The following GRIK4 variants were observed in gnomAD, a reference collection of about 807,000 sequenced individuals.
GRIK4 encodes glutamate receptor ionotropic, kainate 4.
In GRIK4, 40 loss-of-function variants were observed where a neutral mutation model predicts 104.9. The observed-to-expected ratio is 0.38, with a 90% CI of 0.30 to 0.50. The LOEUF is 0.50. Among genes scored for constraint, GRIK4 ranks in the 20% least tolerant of loss-of-function variants. The probability of loss-of-function intolerance (pLI) is 0.93; values close to 1 mark genes in which losing one functional copy is unlikely to be tolerated. For synonymous variants in GRIK4, 485 were observed against 524.9 expected (o/e 0.92, Z 1.04); for missense variants, 1,047 against 1,308.1 (o/e 0.80, Z 3.08).
At chr11:120,618,762 T>C (rs1413943446) in intron 1 of GRIK4, among the ~76,000 whole-genome samples, 1 of 152,230 alleles carries the variant, frequency 6.6e-6, no homozygotes, top group East Asian at 1.9e-4. Flanking sequence ...GGTTTCCATG[T>C]GGTGCTAAGC....
chr11:120,897,151 A>G (rs1309935338), intron 11 of GRIK4, among the ~76,000 whole-genome samples: 1 of 151,688 alleles, frequency 6.6e-6, no homozygotes, highest in Non-Finnish European at 1.5e-5. Flanking sequence ...CCCATGTCTT[A>G]TTAAAAAAAT....
At chr11:120,697,768 G>T (rs61902689) in intron 3 of GRIK4, among the ~76,000 whole-genome samples, 13,139 of 152,248 alleles carry the variant, frequency 0.086, 635 homozygotes, top group South Asian at 0.12. Context: ...CTCCTAGGGC[G>T]TGATTTATAT....
chr11:120,861,645 C>T (rs555635077), intron 8 of GRIK4, among the ~76,000 whole-genome samples: 3 of 152,262 alleles, frequency 2.0e-5, no homozygotes, highest in Non-Finnish European at 4.4e-5. Context: ...TCCCACCTCC[C>T]GTGGAAAAAA....
intron 1 of GRIK4, among the ~76,000 whole-genome samples, chr11:120,604,059 C>T (rs1428639335): frequency 6.6e-6 from 1 of 151,218 alleles, no homozygotes; most frequent in Admixed American, 6.6e-5. Flanking sequence ...GTAGCCCCAG[C>T]TACTCGGGAG....
intron 14 of GRIK4, among the ~76,000 whole-genome samples, chr11:120,949,124 G>A (rs1360875973): frequency 6.6e-6 from 1 of 152,202 alleles, no homozygotes; most frequent in South Asian, 2.1e-4. Flanking sequence ...TATATATAGA[G>A]TGAAGTATCA....
chr11:120,547,369 C>T lies in GRIK4; in HGVS notation c.-159+35482C>T, dbSNP rs149473065. Among the ~76,000 whole-genome samples, 1,239 of 152,318 alleles carry T rather than the reference C, an allele frequency of 8.1e-3. 9 individuals are homozygous for T. Among genetic ancestry groups the T allele is most frequent in the Middle Eastern group, 0.02 (6 of 294 alleles). ...GCACGCAGTGACCTCAGCCAGTGGG[C>T]GAGTGTCTGCACGAGCGGAGTACAG... On this transcript the variant is annotated intron_variant, in intron 1 of 20. Transcript: ENST00000527524.
chr11:120,959,862 G>T (rs945937891), intron 16 of GRIK4, among the ~76,000 whole-genome samples: 3 of 152,168 alleles, frequency 2.0e-5, no homozygotes, highest in Admixed American at 1.3e-4. Context: ...TACAGAACTG[G>T]TTTTAAAATA....
intron 1 of GRIK4, among the ~76,000 whole-genome samples, chr11:120,576,995 TC>T (rs1948494124): frequency 1.3e-5 from 2 of 152,100 alleles, no homozygotes; most frequent in Non-Finnish European, 2.9e-5. Flanking sequence ...ATTTCCCCTC[TC>T]CCCAGGAGTC....
intron 3 of GRIK4, among the ~76,000 whole-genome samples, chr11:120,710,573 G>A (rs974693147): frequency 1.3e-5 from 2 of 152,138 alleles, no homozygotes; most frequent in South Asian, 2.1e-4. Context: ...TTCTGGGCAC[G>A]TGACTCACAA....
At chr11:120,607,574 A>G (rs953130463) in intron 1 of GRIK4, among the ~76,000 whole-genome samples, 10 of 152,256 alleles carry the variant, frequency 6.6e-5, no homozygotes, top group African/African-American at 2.4e-4. Context: ...GGGGGCAGAA[A>G]GGGGATGACA....
intron 1 of GRIK4, among the ~76,000 whole-genome samples, chr11:120,618,278 C>T (rs138930337): frequency 3.3e-5 from 5 of 152,210 alleles, no homozygotes; most frequent in African/African-American, 7.2e-5. Flanking sequence ...GAAGAAATTT[C>T]GAAGTAGCAA....
At chr11:120,629,403 C>T (rs1200682784) in intron 1 of GRIK4, among the ~76,000 whole-genome samples, 3 of 152,054 alleles carry the variant, frequency 2.0e-5, no homozygotes, top group African/African-American at 4.8e-5. Context: ...AAGGTTGTTC[C>T]GAGTACACGC....
rs767051363 is a variant in GRIK4 at position 120,819,787 on chromosome 11, C to T, written c.378C>T (p.Phe126=). ...ACTTCAAAGTGGCCCCAGAGGAGTTCGTCAAGTTCCAGTTCCAGAGATTCA... is the reference window on the plus strand; with the variant it reads ...ACTTCAAAGTGGCCCCAGAGGAGTTTGTCAAGTTCCAGTTCCAGAGATTCA... ...VPHFKVAPEE[F]VKFQFQRFTT... is the part of the protein sequence containing the mutation. The change falls in exon 6 of 21, where the codon TTC becomes TTT. Residue 126 remains phenylalanine, a synonymous_variant. Transcript: ENST00000527524. The surrounding 1 kb of genome is among the most constrained non-coding windows in gnomAD (Gnocchi z 4.3). 1.4e-5 allele frequency: 23 copies of T among 1,614,058 alleles called. No individual in the cohort carries two copies. Among genetic ancestry groups the T allele is most frequent in the East Asian group, 6.7e-5 (3 of 44,894 alleles).
At chr11:120,783,093 C>T (rs1317127803) in intron 3 of GRIK4, among the ~76,000 whole-genome samples, 2 of 152,208 alleles carry the variant, frequency 1.3e-5, no homozygotes, top group South Asian at 2.1e-4. Context: ...GTCGCCCTAG[C>T]GATGCTGCTG....
At chr11:120,594,705 G>A (rs572203666) in intron 1 of GRIK4, among the ~76,000 whole-genome samples, 1 of 152,144 alleles carries the variant, frequency 6.6e-6, no homozygotes, top group Non-Finnish European at 1.5e-5. Flanking sequence ...GAAAGAGGTG[G>A]TGGTATTTTC....
At chr11:120,583,302 C>T (rs909770012) in intron 1 of GRIK4, among the ~76,000 whole-genome samples, 2 of 152,158 alleles carry the variant, frequency 1.3e-5, no homozygotes, top group Non-Finnish European at 2.9e-5. Context: ...TATAGGTTGT[C>T]TGTTTACTCT....
chr11:120,715,003 G>T (rs1950802014), intron 3 of GRIK4, among the ~76,000 whole-genome samples: 1 of 152,182 alleles, frequency 6.6e-6, no homozygotes, highest in Non-Finnish European at 1.5e-5. Flanking sequence ...CAGGTGTTTG[G>T]TGTGGGTCCT....
At chr11:120,859,990 G>A (rs1053457536) in intron 8 of GRIK4, among the ~76,000 whole-genome samples, 10 of 152,238 alleles carry the variant, frequency 6.6e-5, no homozygotes, top group Admixed American at 6.5e-4. Flanking sequence ...CTGGAGCTGT[G>A]TGGCAAGGAT....
intron 3 of GRIK4, among the ~76,000 whole-genome samples, chr11:120,790,387 G>A (rs1952370614): frequency 6.6e-6 from 1 of 152,184 alleles, no homozygotes; most frequent in Non-Finnish European, 1.5e-5. Flanking sequence ...GAGGGTGAAA[G>A]TGTGGGGTGG....
Sources: gnomAD v4.1 joint callset for allele counts (sites outside exome capture counted in the v4.1 genomes callset) on GRCh38, gnomAD v4.1.1 for gene constraint, Gnocchi (gnomAD v3.1) non-coding constraint, MANE v1.5 for transcripts, NCBI Gene and HGNC (gene_info 2026-07-23, HGNC 2026-07-21) for gene names.